The following LSAMP variants were observed in gnomAD, a reference collection of about 807,000 sequenced individuals.
The protein encoded by LSAMP is limbic system associated membrane protein, also known as limbic system-associated membrane protein.
Under a neutral mutation model 38.6 loss-of-function variants are expected in LSAMP, and 7 were observed. That is an observed-to-expected ratio of 0.18 (90% CI 0.10 to 0.34). LSAMP has a LOEUF of 0.34. LSAMP is among the 10% of genes least tolerant of loss of function. The probability of loss-of-function intolerance (pLI) is 1.00; values close to 1 mark genes in which losing one functional copy is unlikely to be tolerated. For synonymous variants in LSAMP, 154 were observed against 166.8 expected (o/e 0.92, Z 0.59); for missense variants, 313 against 420.0 (o/e 0.75, Z 2.23).
intron 3 of LSAMP, among the ~76,000 whole-genome samples, chr3:115,994,834 G>T (rs745947943): frequency 1.1e-4 from 16 of 152,070 alleles, no homozygotes; most frequent in Non-Finnish European, 1.8e-4. Context: ...ATTCTACATG[G>T]ATAGAGATTT....
intron 2 of LSAMP, among the ~76,000 whole-genome samples, chr3:116,082,467 G>T (rs75964231): frequency 6.6e-6 from 1 of 152,068 alleles, no homozygotes; most frequent in African/African-American, 2.4e-5. Flanking sequence ...TCTGGATGTG[G>T]TTCTCTGGAA....
chr3:116,185,544 T>C (rs1365508636), intron 1 of LSAMP, among the ~76,000 whole-genome samples: 1 of 152,104 alleles, frequency 6.6e-6, no homozygotes, highest in African/African-American at 2.4e-5. Flanking sequence ...TTTTCATTTA[T>C]ACTCTCCTTC....
chr3:115,971,038 G>T (rs1053684418), intron 3 of LSAMP, among the ~76,000 whole-genome samples: 1 of 152,124 alleles, frequency 6.6e-6, no homozygotes, highest in South Asian at 2.1e-4. Context: ...CTTCTCCAAG[G>T]CATGCCAGGG....
chr3:116,429,803 C>T (rs899875022), intron 1 of LSAMP, among the ~76,000 whole-genome samples: 2 of 152,108 alleles, frequency 1.3e-5, no homozygotes, highest in Admixed American at 6.5e-5. Flanking sequence ...TTGCAGACGA[C>T]ATCATGTTTT....
chr3:116,019,410 A>C (rs1940576261), intron 3 of LSAMP, 105 bp downstream of exon 3: 2 of 1,386,876 alleles, frequency 1.4e-6, no homozygotes, highest in East Asian at 5.1e-5. Flanking sequence ...CAGAATTTCA[A>C]TTCTGATTCT....
intron 6 of LSAMP, among the ~76,000 whole-genome samples, chr3:115,825,729 A>C (rs1934385817): frequency 1.3e-5 from 2 of 152,110 alleles, no homozygotes; most frequent in Non-Finnish European, 2.9e-5. Flanking sequence ...TTTAAACTTG[A>C]TGTATTCGTA....
intron 1 of LSAMP, among the ~76,000 whole-genome samples, chr3:116,354,064 C>T (rs2048186106): frequency 1.3e-5 from 2 of 152,052 alleles, no homozygotes; most frequent in Non-Finnish European, 2.9e-5. Context: ...TCCTTTTCAC[C>T]CTTGAAGCTG....
intron 1 of LSAMP, among the ~76,000 whole-genome samples, chr3:116,383,203 T>G (rs1444286372): frequency 2.0e-5 from 3 of 152,198 alleles, no homozygotes; most frequent in African/African-American, 4.8e-5. Flanking sequence ...TACCTTGCTA[T>G]GTATAATACT....
chr3:116,061,436 G>GGTGCTTCT (rs3070998), intron 2 of LSAMP, among the ~76,000 whole-genome samples: 69,723 of 151,452 alleles, frequency 0.46, 17,210 homozygotes, highest in African/African-American at 0.65. Flanking sequence ...GCATGGGCAT[G>GGTGCTTCT]GTGATACAGC....
At chr3:116,309,948 T>G (rs1364261494) in intron 1 of LSAMP, among the ~76,000 whole-genome samples, 1 of 152,166 alleles carries the variant, frequency 6.6e-6, no homozygotes, top group Non-Finnish European at 1.5e-5. Context: ...CAACCTTTTT[T>G]GATTGGCACA....
chr3:116,185,698 C>T (rs1324897227), intron 1 of LSAMP, among the ~76,000 whole-genome samples: 2 of 151,966 alleles, frequency 1.3e-5, no homozygotes, highest in Non-Finnish European at 2.9e-5. Flanking sequence ...GAATATAGTG[C>T]AGTGCTTTGA....
intron 3 of LSAMP, among the ~76,000 whole-genome samples, chr3:115,871,533 A>G (rs919108775): frequency 6.6e-6 from 1 of 151,912 alleles, no homozygotes; most frequent in Non-Finnish European, 1.5e-5. Context: ...CCCTGTTTAA[A>G]TTGTTTCAGT....
At chr3:115,851,217 G>T (rs752798354) in intron 4 of LSAMP, among the ~76,000 whole-genome samples, 2 of 152,056 alleles carry the variant, frequency 1.3e-5, no homozygotes, top group Non-Finnish European at 2.9e-5. Context: ...CAGGTGATCC[G>T]CCTGTCTCAG....
intron 1 of LSAMP, among the ~76,000 whole-genome samples, chr3:116,209,154 C>T (rs1459464596): frequency 6.6e-6 from 1 of 152,166 alleles, no homozygotes; most frequent in Non-Finnish European, 1.5e-5. Flanking sequence ...GTGGGAGTGA[C>T]CCGATTTTCC....
At chr3:116,303,469 A>G (rs774119235) in intron 1 of LSAMP, among the ~76,000 whole-genome samples, 18 of 152,278 alleles carry the variant, frequency 1.2e-4, no homozygotes, top group East Asian at 3.9e-4. Flanking sequence ...ATTTTTTTCT[A>G]TTCTTTTTTT....
chr3:116,379,361 T>A (rs1487990393), intron 1 of LSAMP, among the ~76,000 whole-genome samples: 1 of 152,010 alleles, frequency 6.6e-6, no homozygotes, highest in African/African-American at 2.4e-5. Flanking sequence ...TCACGACTCT[T>A]AGAGATCCAG....
At chr3:116,046,315 C>G (rs1294554300) in intron 2 of LSAMP, among the ~76,000 whole-genome samples, 1 of 152,040 alleles carries the variant, frequency 6.6e-6, no homozygotes, top group African/African-American at 2.4e-5. Flanking sequence ...ACCCATTAAG[C>G]ACTGAGGTAG....
At chr3:116,234,838 A>G (rs2046445909) in intron 1 of LSAMP, among the ~76,000 whole-genome samples, 1 of 152,116 alleles carries the variant, frequency 6.6e-6, no homozygotes, top group South Asian at 2.1e-4. Flanking sequence ...GTACCTCCCA[A>G]AATTATATTT....
At chr3:116,217,466 C>T (rs913875108) in intron 1 of LSAMP, among the ~76,000 whole-genome samples, 1 of 152,222 alleles carries the variant, frequency 6.6e-6, no homozygotes, top group African/African-American at 2.4e-5. Flanking sequence ...CAAATGCACG[C>T]ATTCTTGCAT....
Sources: gnomAD v4.1 joint callset for allele counts (sites outside exome capture counted in the v4.1 genomes callset) on GRCh38, gnomAD v4.1.1 for gene constraint, MANE v1.5 for transcripts, NCBI Gene and HGNC (gene_info 2026-07-23, HGNC 2026-07-21) for gene names.